SPACA9: variants seen among roughly 807,000 people sequenced by gnomAD.
The protein encoded by SPACA9 is sperm acrosome associated 9, also known as sperm acrosome-associated protein 9.
Under a neutral mutation model 12.5 loss-of-function variants are expected in SPACA9, and 14 were observed. The observed-to-expected ratio is 1.12, with a 90% CI of 0.74 to 1.75. The LOEUF is 1.75. Among genes scored for constraint, SPACA9 ranks in the 40% most tolerant of loss-of-function variants. The probability of loss-of-function intolerance (pLI) is 0.00; values close to 1 mark genes in which losing one functional copy is unlikely to be tolerated. For missense variants in SPACA9, 292 were observed against 291.9 expected, an observed-to-expected ratio of 1.00 and a Z score of 0.00; for synonymous variants, 111 against 114.1, an observed-to-expected ratio of 0.97 and a Z score of 0.17.
At position 132,887,438 on chromosome 9, in the gene SPACA9, A is replaced by G. The variant is rs150690462; in HGVS notation, c.214A>G (p.Ile72Val). Reference sequence around the variant, plus strand: ...GCGGGTTCTGCTCATGTTCCTGGACATCTGTTCAGAGCTGAATAAGCTCTG... The same window carrying G: ...GCGGGTTCTGCTCATGTTCCTGGACGTCTGTTCAGAGCTGAATAAGCTCTG... Reference protein sequence around the residue: ...DRRVLLMFLDICSELNKLCQH... With the variant: ...DRRVLLMFLDVCSELNKLCQH... Residue 72 changes from isoleucine (I) to valine (V), a missense_variant, in exon 3 of 4, where the codon ATC (isoleucine) becomes GTC (valine). Physicochemically the swap from Ile to Val is conservative, Grantham distance 29 (BLOSUM62 3). Coordinates refer to ENST00000356311, the MANE Select transcript of SPACA9 (RefSeq NM_001316897.2). The surrounding 1 kb of genome is among the most constrained non-coding windows in gnomAD (Gnocchi z 5.4). The G allele has an allele frequency of 1.4e-5, 23 of 1,613,312 alleles. No homozygotes were observed. In the African/African-American group the frequency reaches 2.9e-4, roughly 21 times the overall value.
chr9:132,880,524 C>T (rs962240587), intron 1 of SPACA9, among the ~76,000 whole-genome samples: 2 of 152,092 alleles, frequency 1.3e-5, no homozygotes, highest in Non-Finnish European at 2.9e-5. Context: ...CCCTGGAACT[C>T]CACCTATGTG....
In SPACA9 at chr9:132,884,009, A is replaced by G. The variant is rs770556155; in HGVS notation, c.62A>G (p.Gln21Arg). 6.2e-7 allele frequency: 1 copy of G among 1,614,184 alleles called. No individual in the cohort carries two copies. The highest frequency in any genetic ancestry group is 2.2e-5 in the East Asian group (1 of 44,882). Reference protein sequence around the residue: ...IEQKYKLFQQQQLTFTAALEH... With the variant: ...IEQKYKLFQQRQLTFTAALEH... ...CAGAAGTACAAGCTCTTCCAGCAGCAGCAGCTCACCTTCACCGCCGCTCTG... is the reference window on the plus strand; with the variant it reads ...CAGAAGTACAAGCTCTTCCAGCAGCGGCAGCTCACCTTCACCGCCGCTCTG... Residue 21 changes from glutamine (Q) to arginine (R), a missense_variant, in exon 2 of 4, where the codon CAG (glutamine) becomes CGG (arginine). Coordinates refer to ENST00000356311, the MANE Select transcript of SPACA9 (RefSeq NM_001316897.2).
chr9:132,884,084 T>C lies in SPACA9; in HGVS notation c.137T>C (p.Ile46Thr), dbSNP rs138391827. ...GACAAGATCCGGCCCATCTCCAGCA[T>C]TGGACAGGTGGGGCTCCCGACCCCC... is the stretch of plus-strand genomic sequence containing the variant. ...AHDKIRPISS[I>T]GQVQSYMEHY... is the part of the protein sequence containing the mutation. Residue 46 changes from isoleucine to threonine, a missense_variant, in exon 2 of 4, where the codon ATT becomes ACT. Physicochemically the swap from Ile to Thr is moderately conservative, Grantham distance 89. Coordinates refer to ENST00000356311, the MANE Select transcript of SPACA9 (RefSeq NM_001316897.2). 7.5e-5 allele frequency: 121 copies of C among 1,613,494 alleles called. No homozygotes were observed. In the African/African-American group the frequency reaches 9.3e-4, roughly 12 times the overall value.
At position 132,888,684 on chromosome 9, in the gene SPACA9, A is replaced by G. The variant is rs1187266482; in HGVS notation, c.*73A>G. The G allele has an allele frequency of 8.9e-6, 13 of 1,464,812 alleles. No individual in the cohort carries two copies. The highest frequency in any genetic ancestry group is 1.2e-5 in the Non-Finnish European group (13 of 1,107,102). The allele number at this position is 1,464,812 out of a possible 1,614,324, so 90.7% of individuals were successfully genotyped here. On this transcript the variant is annotated 3_prime_UTR_variant, in exon 4 of 4. Coordinates refer to ENST00000356311, the MANE Select transcript of SPACA9 (RefSeq NM_001316897.2). This position sits in a 1 kb window ranked among gnomAD's most constrained non-coding sequence, Gnocchi z 5.0. The stretch of plus-strand genomic sequence containing the variant: ...GATTTTACTGGTTGGTCCTTTTTTC[A>G]CTGGTACCCATGGACCCTGCCACTT...
chr9:132,879,862 A>G (rs1458475941), intron 1 of SPACA9, among the ~76,000 whole-genome samples: 1 of 152,246 alleles, frequency 6.6e-6, no homozygotes, highest in Non-Finnish European at 1.5e-5. Context: ...GGGCAGAGCC[A>G]GGGCATGAAC....
chr9:132,886,905 G>A (rs551012922), intron 2 of SPACA9, among the ~76,000 whole-genome samples: 7 of 152,032 alleles, frequency 4.6e-5, no homozygotes, highest in African/African-American at 1.2e-4. Flanking sequence ...TCCTCCTCCC[G>A]GGTTCAAGTG....
chr9:132,888,304 T>C lies in SPACA9; in HGVS notation c.362T>C (p.Val121Ala), dbSNP rs768111280. The C allele has an allele frequency of 4.5e-5, 73 of 1,611,490 alleles. No individual in the cohort carries two copies. The Middle Eastern group carries it at 1.5e-3, about 33-fold the overall frequency. Reference protein sequence around the residue: ...SSLRAKYPHDVVNHLSCDEAR... With the variant: ...SSLRAKYPHDAVNHLSCDEAR... Reference sequence around the variant, plus strand: ...CCGTCCTGCAGATACCCTCATGATGTGGTGAACCACCTCAGCTGTGACGAG... The same window carrying C: ...CCGTCCTGCAGATACCCTCATGATGCGGTGAACCACCTCAGCTGTGACGAG... Residue 121 changes from valine (V) to alanine (A), a missense_variant, in exon 4 of 4, where the codon GTG becomes GCG. Val to Ala is a moderately conservative substitution (Grantham distance 64). Transcript: ENST00000356311. The surrounding 1 kb of genome is among the most constrained non-coding windows in gnomAD (Gnocchi z 5.0).
In SPACA9 at chr9:132,887,361, C is replaced by G; in HGVS notation, c.145-8C>G. On this transcript the variant is annotated splice_polypyrimidine_tract_variant and splice_region_variant and intron_variant, in intron 2 of 3. Coordinates refer to ENST00000356311, the MANE Select transcript of SPACA9 (RefSeq NM_001316897.2). This position sits in a 1 kb window ranked among gnomAD's most constrained non-coding sequence, Gnocchi z 5.4. The stretch of plus-strand genomic sequence containing the variant: ...TGTCCCCAGCTCATGTGGCGGCGGC[C>G]CTTGCAGGTGCAGAGCTACATGGAA... 1 of 1,609,360 alleles carries G rather than the reference C, an allele frequency of 6.2e-7. No homozygotes were observed. The highest frequency in any genetic ancestry group is 8.5e-7 in the Non-Finnish European group (1 of 1,179,766).
chr9:132,880,249 G>C (rs1844366019), intron 1 of SPACA9, among the ~76,000 whole-genome samples: 2 of 152,096 alleles, frequency 1.3e-5, no homozygotes, highest in South Asian at 4.1e-4. Flanking sequence ...AAACCTATGG[G>C]TAATCATTTT....
At chr9:132,879,859 G>C (rs1844341989) in intron 1 of SPACA9, among the ~76,000 whole-genome samples, 1 of 152,248 alleles carries the variant, frequency 6.6e-6, no homozygotes, top group African/African-American at 2.4e-5. Context: ...ATTGGGCAGA[G>C]CCAGGGCATG....
chr9:132,888,536 A>G lies in SPACA9; in HGVS notation c.594A>G (p.Arg198=). The change falls in exon 4 of 4, where the codon AGA becomes AGG. Residue 198 remains arginine, a synonymous_variant. Transcript: ENST00000356311. This position sits in a 1 kb window ranked among gnomAD's most constrained non-coding sequence, Gnocchi z 5.0. ...TQPRATKHKC[R]QLTKASLKPR... The stretch of plus-strand genomic sequence containing the variant: ...CCAGGGCCACTAAACACAAGTGTAG[A>G]CAGCTCACAAAAGCCAGCCTCAAAC... The G allele has an allele frequency of 9.0e-6, 14 of 1,561,932 alleles. No homozygotes were observed. Among genetic ancestry groups the G allele is most frequent in the Non-Finnish European group, 1.2e-5 (14 of 1,153,608 alleles).
Position 132,887,447 on chromosome 9 carries a change from G to T in SPACA9, c.223G>T (p.Glu75Ter). ...VLLMFLDICS[E>*]LNKLCQHFEA... is the part of the protein sequence containing the mutation. ...GCTCATGTTCCTGGACATCTGTTCA[G>T]AGCTGAATAAGCTCTGCCAGCACTT... Residue 75 changes from glutamate to a stop codon, truncating the protein, a stop_gained, in exon 3 of 4, where the codon GAG becomes TAG. Coordinates refer to ENST00000356311, the MANE Select transcript of SPACA9 (RefSeq NM_001316897.2). LOFTEE classifies it high-confidence loss of function. The surrounding 1 kb of genome is among the most constrained non-coding windows in gnomAD (Gnocchi z 5.4). 1.9e-6 allele frequency: 3 copies of T among 1,613,616 alleles called. No individual in the cohort carries two copies. The highest frequency in any genetic ancestry group is 2.2e-5 in the East Asian group (1 of 44,876).
At chr9:132,881,538 G>A (rs536649402) in intron 1 of SPACA9, among the ~76,000 whole-genome samples, 1 of 152,146 alleles carries the variant, frequency 6.6e-6, no homozygotes, top group African/African-American at 2.4e-5. Context: ...GGCTGAGAAA[G>A]GGAGATCACT....
upstream of SPACA9, chr9:132,878,559 G>A (rs1471168303): frequency 8.7e-7 from 1 of 1,152,676 alleles, no homozygotes; most frequent in African/African-American, 1.6e-5. The surrounding 1 kb of genome is among the most constrained non-coding windows in gnomAD (Gnocchi z 4.7). Flanking sequence ...CCCAGAAGGG[G>A]CAAGTCGGCC....
Position 132,887,697 on chromosome 9 carries a change from C to A in SPACA9, c.347+126C>A. On this transcript the variant is annotated intron_variant, in intron 3 of 3. Transcript: ENST00000356311. This position sits in a 1 kb window ranked among gnomAD's most constrained non-coding sequence, Gnocchi z 5.4. ...ACCACCCCGGGCAGGAAATCCCAGTCTCCACTCATTTATTGGAATGACTCG... is the reference window on the plus strand; with the variant it reads ...ACCACCCCGGGCAGGAAATCCCAGTATCCACTCATTTATTGGAATGACTCG... 1.4e-6 allele frequency: 1 copy of A among 737,308 alleles called. No individual in the cohort carries two copies. The highest frequency in any genetic ancestry group is 1.7e-5 in the South Asian group (1 of 59,608). The allele number at this position is 737,308 out of a possible 1,614,324, so 45.7% of individuals were successfully genotyped here.
intron 2 of SPACA9, 32 bp downstream of exon 2, chr9:132,884,123 G>A (rs751480472): frequency 6.2e-7 from 1 of 1,604,906 alleles, no homozygotes; most frequent in South Asian, 1.1e-5. Flanking sequence ...CCGGCCGAGG[G>A]GCAACAAGCC....
rs921764490 is a variant in SPACA9 at position 132,889,138 on chromosome 9, C to T, written c.*527C>T. 5.1e-6 allele frequency: 5 copies of T among 990,066 alleles called. No individual in the cohort carries two copies. In the Admixed American group the frequency reaches 2.9e-4, roughly 57 times the overall value. 61.3% of individuals were successfully genotyped at this position (990,066 alleles called of 1,614,324 possible). ...TCCGTGCTGATGAAGAGGAAACCCACTTACAGAAGTTGCCCAAACAGGATG... is the reference window on the plus strand; with the variant it reads ...TCCGTGCTGATGAAGAGGAAACCCATTTACAGAAGTTGCCCAAACAGGATG... On this transcript the variant is annotated 3_prime_UTR_variant, in exon 4 of 4. Transcript: ENST00000356311.
In SPACA9 at chr9:132,889,807, A is replaced by G. The variant is rs996861673; in HGVS notation, c.*1196A>G. ...CTTTACTTGGGAGAGGGAGACCATG[A>G]CAGAAGCCAGAATTCTGATTTTGTG... On this transcript the variant is annotated 3_prime_UTR_variant, in exon 4 of 4. Transcript: ENST00000356311. 6 of 1,326,910 alleles carry G rather than the reference A, an allele frequency of 4.5e-6. No individual in the cohort carries two copies. The highest frequency in any genetic ancestry group is 5.8e-6 in the Non-Finnish European group (6 of 1,027,104). 82.2% of individuals were successfully genotyped at this position (1,326,910 alleles called of 1,614,324 possible).
chr9:132,888,343 A>G lies in SPACA9; in HGVS notation c.401A>G (p.Tyr134Cys). The stretch of plus-strand genomic sequence containing the variant: ...AGCTGTGACGAGGCCCGGAACCACT[A>G]CGGCGGCGTGGTCAGCCTCATCCCC... ...HLSCDEARNH[Y>C]GGVVSLIPLI... is the part of the protein sequence containing the mutation. Residue 134 changes from tyrosine to cysteine, a missense_variant, in exon 4 of 4, where the codon TAC becomes TGC. Transcript: ENST00000356311. The surrounding 1 kb of genome is among the most constrained non-coding windows in gnomAD (Gnocchi z 5.0). 5.6e-6 allele frequency: 9 copies of G among 1,614,096 alleles called. No homozygotes were observed. Among genetic ancestry groups the G allele is most frequent in the South Asian group, 1.1e-5 (1 of 91,080 alleles).
Sources: gnomAD v4.1 joint callset for allele counts (sites outside exome capture counted in the v4.1 genomes callset) on GRCh38, gnomAD v4.1.1 for gene constraint, Gnocchi (gnomAD v3.1) non-coding constraint, MANE v1.5 for transcripts, NCBI Gene and HGNC (gene_info 2026-07-23, HGNC 2026-07-21) for gene names.